XYLB: variants seen among roughly 807,000 people sequenced by gnomAD.
XYLB encodes the protein xylulokinase.
In XYLB, 62 loss-of-function variants were observed where a neutral mutation model predicts 78.7. That is an observed-to-expected ratio of 0.79 (90% CI 0.64 to 0.97). XYLB has a LOEUF of 0.97. Among genes scored for constraint, XYLB ranks in the 50% least tolerant of loss-of-function variants. XYLB has a pLI of 0.00. For synonymous variants in XYLB, 245 were observed against 247.4 expected (o/e 0.99, Z 0.09); for missense variants, 687 against 676.8 (o/e 1.02, Z -0.17).
intron 9 of XYLB, 64 bp downstream of exon 9, chr3:38,370,238 G>GTGCACACACACACACA (rs1440382804): frequency 1.5e-5 from 5 of 326,680 alleles, no homozygotes; most frequent in Non-Finnish European, 2.8e-5. Flanking sequence ...AAGCACTGTA[G>GTGCACACACACACACA]CGCACACACA....
At chr3:38,355,614 G>A (rs1242367210) in intron 2 of XYLB, 1 of 623,286 alleles carries the variant, frequency 1.6e-6, no homozygotes, top group Non-Finnish European at 2.9e-6. Context: ...TTGTAGTTAT[G>A]TTCAGCCATG....
chr3:38,450,059 C>T, the XYLB span, among the ~76,000 whole-genome samples: 1 of 152,132 alleles, frequency 6.6e-6, no homozygotes, highest in East Asian at 1.9e-4. Context: ...CTTGGGGGAA[C>T]TGTATTACCA....
At chr3:38,408,297 C>T (rs375490302) in intron 18 of XYLB, among the ~76,000 whole-genome samples, 9 of 151,922 alleles carry the variant, frequency 5.9e-5, no homozygotes, top group South Asian at 2.1e-4. Context: ...GGGTACATAA[C>T]GAAATGAAGG....
At chr3:38,360,254 A>G in intron 2 of XYLB, 85 bp from the exon 3 acceptor site, 9 of 1,274,484 alleles carry the variant, frequency 7.1e-6, no homozygotes, top group Middle Eastern at 3.7e-4. Context: ...ACATTTCCAG[A>G]GTCATCCACC....
At chr3:38,420,730 T>TTA (rs1173517211), downstream of XYLB, among the ~76,000 whole-genome samples, 2 of 151,886 alleles carry the variant, frequency 1.3e-5, no homozygotes, top group African/African-American at 4.8e-5. Flanking sequence ...ATCCCCCTTT[T>TTA]TTTTTGGTAG....
At chr3:38,364,272 G>T (rs991453889) in intron 4 of XYLB, among the ~76,000 whole-genome samples, 8 of 151,484 alleles carry the variant, frequency 5.3e-5, no homozygotes, top group Non-Finnish European at 8.8e-5. Flanking sequence ...TGATTTGTCT[G>T]TGACTCTTGA....
At chr3:38,410,143 G>A (rs984892554) in intron 18 of XYLB, among the ~76,000 whole-genome samples, 1 of 152,242 alleles carries the variant, frequency 6.6e-6, no homozygotes, top group South Asian at 2.1e-4. Context: ...ATACTACAAG[G>A]CTACAGTAAT....
At chr3:38,380,835 G>C (rs551718852) in intron 15 of XYLB, among the ~76,000 whole-genome samples, 2 of 152,272 alleles carry the variant, frequency 1.3e-5, no homozygotes, top group African/African-American at 2.4e-5. Context: ...TGTACAACAG[G>C]ATACTACACA....
Position 38,398,603 on chromosome 3 carries a change from T to C in XYLB, c.1438+1444T>C, listed in dbSNP as rs148438253. Among the ~76,000 whole-genome samples, 506 of 152,266 alleles carry C rather than the reference T, an allele frequency of 3.3e-3. 5 individuals carry two copies. The highest frequency in any genetic ancestry group is 0.012 in the African/African-American group (482 of 41,562). On this transcript the variant is annotated intron_variant, in intron 17 of 18. Coordinates refer to ENST00000207870, the MANE Select transcript of XYLB (RefSeq NM_005108.4). ...TCCAGATTCTTATATTAAGTACATT[T>C]AATATTATATTGGCTTTTATTCACA...
downstream of XYLB, among the ~76,000 whole-genome samples, chr3:38,422,820 G>C (rs1022756771): frequency 2.0e-5 from 3 of 151,846 alleles, no homozygotes; most frequent in Admixed American, 1.3e-4. Flanking sequence ...AATTTACAAG[G>C]GTTAAAAAAA....
At chr3:38,423,093 G>A (rs1709029946), downstream of XYLB, among the ~76,000 whole-genome samples, 1 of 152,108 alleles carries the variant, frequency 6.6e-6, no homozygotes, top group Non-Finnish European at 1.5e-5. Flanking sequence ...TTTTTCTTAA[G>A]ATGGAGTCTC....
chr3:38,445,168 C>A, the XYLB span, among the ~76,000 whole-genome samples: 1 of 152,270 alleles, frequency 6.6e-6, no homozygotes, highest in Middle Eastern at 3.4e-3. Context: ...GGGAAGAGAT[C>A]TCCAGGGTTG....
chr3:38,371,396 C>T (rs1234488727), intron 9 of XYLB, among the ~76,000 whole-genome samples: 1 of 152,126 alleles, frequency 6.6e-6, no homozygotes, highest in East Asian at 1.9e-4. Context: ...GCCTCAGCCT[C>T]CCGAGTAGCT....
chr3:38,382,431 G>A lies in XYLB; in HGVS notation c.1291+3089G>A, dbSNP rs374573947. 9.2e-4 allele frequency among the ~76,000 whole-genome samples: 140 copies of A among 152,322 alleles called. 1 individual carries two copies. The highest frequency in any genetic ancestry group is 3.3e-3 in the African/African-American group (136 of 41,564). On this transcript the variant is annotated intron_variant, in intron 15 of 18. Coordinates refer to ENST00000207870, the MANE Select transcript of XYLB (RefSeq NM_005108.4). Reference sequence around the variant, plus strand: ...ATGTTCTGTTTCATGTTCCATGGGTGTGTTTAGTTTTTAAAAATTTATGAA... The same window carrying A: ...ATGTTCTGTTTCATGTTCCATGGGTATGTTTAGTTTTTAAAAATTTATGAA...
intron 3 of XYLB, among the ~76,000 whole-genome samples, chr3:38,362,045 G>A (rs1265328877): frequency 6.6e-6 from 1 of 152,174 alleles, no homozygotes; most frequent in African/African-American, 2.4e-5. Flanking sequence ...GGCTGGAATA[G>A]GGGCCTGGAA....
At chr3:38,445,935 G>A in the XYLB span, among the ~76,000 whole-genome samples, 1 of 152,214 alleles carries the variant, frequency 6.6e-6, no homozygotes, top group Non-Finnish European at 1.5e-5. Context: ...ACCAAGAAGT[G>A]TCTGGAATTG....
intron 18 of XYLB, among the ~76,000 whole-genome samples, chr3:38,401,455 T>C (rs978136973): frequency 2.0e-5 from 3 of 151,816 alleles, no homozygotes; most frequent in Non-Finnish European, 4.4e-5. Context: ...ATATATGAGG[T>C]TTATGGGAGT....
the XYLB span, chr3:38,450,957 G>A: frequency 2.6e-5 from 4 of 152,152 alleles, no homozygotes; most frequent in East Asian, 1.9e-4. Flanking sequence ...TATTGTTACC[G>A]AAACACCAGG....
At chr3:38,428,921 T>A in the XYLB span, among the ~76,000 whole-genome samples, 2 of 152,236 alleles carry the variant, frequency 1.3e-5, no homozygotes, top group Non-Finnish European at 2.9e-5. Context: ...CTGTGATGGA[T>A]AATGTTAAAT....
Sources: allele counts gnomAD v4.1 joint callset (sites outside exome capture counted in the v4.1 genomes callset), GRCh38; gene constraint gnomAD v4.1.1; transcripts MANE v1.5; gene names NCBI Gene and HGNC (gene_info 2026-07-23, HGNC 2026-07-21).